The following EXOC6B variants were observed in gnomAD, a reference collection of about 807,000 sequenced individuals.
EXOC6B encodes the protein SEC15 homolog B.
Under a neutral mutation model 113.5 loss-of-function variants are expected in EXOC6B, and 54 were observed. That is an observed-to-expected ratio of 0.48 (90% CI 0.38 to 0.60). EXOC6B has a LOEUF of 0.60. Among genes scored for constraint, EXOC6B ranks in the 20% least tolerant of loss-of-function variants. EXOC6B has a pLI of 0.00. For missense variants in EXOC6B, 797 were observed against 977.5 expected (o/e 0.82, Z 2.46); for synonymous variants, 357 against 339.0 (o/e 1.05, Z -0.58).
chr2:72,194,883 G>A lies in EXOC6B; in HGVS notation c.2197-10696C>T, dbSNP rs370595475. On this transcript the variant is annotated intron_variant, in intron 20 of 21. Transcript: ENST00000272427. ...GTAACAGGTTGGTTCCTGGCCCTAC[G>A]TCTGAACTCCTCTTCTTTTCCCTAG... is the stretch of plus-strand genomic sequence containing the variant. 8.5e-5 allele frequency among the ~76,000 whole-genome samples: 13 copies of A among 152,174 alleles called. No individual in the cohort carries two copies. The South Asian group carries it at 1.0e-3, about 12-fold the overall frequency.
intron 14 of EXOC6B, 116 bp from the exon 15 acceptor site, chr2:72,495,655 C>A (rs1699996809): frequency 8.0e-6 from 5 of 624,172 alleles, no homozygotes; most frequent in Non-Finnish European, 1.4e-5. Context: ...GTCTCCTTAA[C>A]AAACTCAAAT....
chr2:72,190,379 A>C (rs1418235897), intron 20 of EXOC6B, among the ~76,000 whole-genome samples: 1 of 152,098 alleles, frequency 6.6e-6, no homozygotes, highest in Non-Finnish European at 1.5e-5. Flanking sequence ...TAATTCAGCT[A>C]TGTTCATTTT....
intron 20 of EXOC6B, among the ~76,000 whole-genome samples, chr2:72,298,427 G>T (rs959870785): frequency 6.6e-6 from 1 of 152,054 alleles, no homozygotes; most frequent in Non-Finnish European, 1.5e-5. Flanking sequence ...GATGGGTCTT[G>T]ACTCTTTATC....
chr2:72,757,753 G>A (rs914975313), intron 1 of EXOC6B, among the ~76,000 whole-genome samples: 4 of 152,014 alleles, frequency 2.6e-5, no homozygotes, highest in Admixed American at 1.3e-4. Flanking sequence ...TCTCAGGATC[G>A]ATCCCTCACA....
intron 18 of EXOC6B, chr2:72,462,527 AT>A (rs1481036017): frequency 2.0e-5 from 3 of 152,014 alleles, no homozygotes; most frequent in Non-Finnish European, 2.9e-5. Context: ...TACATCACTC[AT>A]TAATTGGATT....
chr2:72,289,574 C>T (rs719118), intron 20 of EXOC6B, among the ~76,000 whole-genome samples: 57,514 of 151,922 alleles, frequency 0.38, 14,619 homozygotes, highest in African/African-American at 0.72. Context: ...TTAACTATTA[C>T]AAAATTTGAA....
At chr2:72,339,860 T>C (rs1166293861) in intron 19 of EXOC6B, among the ~76,000 whole-genome samples, 1 of 152,178 alleles carries the variant, frequency 6.6e-6, no homozygotes, top group Non-Finnish European at 1.5e-5. Context: ...ACTAATATAC[T>C]TTACTTGCCA....
At position 72,699,491 on chromosome 2, in the gene EXOC6B, A is replaced by AG. The variant is rs1490007060; in HGVS notation, c.669+18611_669+18612insC. Among the ~76,000 whole-genome samples the AG allele has an allele frequency of 2.6e-3, 392 of 151,948 alleles. 1 individual carries two copies. The highest frequency in any genetic ancestry group is 9.0e-3 in the African/African-American group (372 of 41,436). ...AGACTCCGTCTCAAAAAAAAAAAAA[A>AG]AAAGAAAGAAAGTCAAACAATACAT... On this transcript the variant is annotated intron_variant, in intron 6 of 21. Transcript: ENST00000272427.
chr2:72,239,617 C>A (rs977902736), intron 20 of EXOC6B, among the ~76,000 whole-genome samples: 1 of 152,190 alleles, frequency 6.6e-6, no homozygotes, highest in African/African-American at 2.4e-5. Flanking sequence ...AAGTGTGAAT[C>A]TTCCAACTTT....
intron 6 of EXOC6B, among the ~76,000 whole-genome samples, chr2:72,616,059 T>C (rs941840147): frequency 2.0e-5 from 3 of 152,094 alleles, no homozygotes; most frequent in Admixed American, 6.5e-5. Flanking sequence ...TATACAGCTA[T>C]ACAAAATGTT....
At chr2:72,816,287 T>C (rs1686244577) in intron 1 of EXOC6B, among the ~76,000 whole-genome samples, 1 of 152,178 alleles carries the variant, frequency 6.6e-6, no homozygotes, top group Non-Finnish European at 1.5e-5. Flanking sequence ...AGAACTAGTT[T>C]AATAAACCAT....
chr2:72,460,206 C>T (rs957319893), intron 18 of EXOC6B, among the ~76,000 whole-genome samples: 1 of 152,010 alleles, frequency 6.6e-6, no homozygotes, highest in Admixed American at 6.6e-5. Context: ...AAAATTAATT[C>T]AAGATGGATT....
chr2:72,618,010 A>G (rs1167560463), intron 6 of EXOC6B, among the ~76,000 whole-genome samples: 2 of 152,166 alleles, frequency 1.3e-5, no homozygotes, highest in Admixed American at 1.3e-4. Context: ...ATCTTGACTA[A>G]AAGTGGGGAC....
At chr2:72,746,688 A>G (rs1232135750) in intron 1 of EXOC6B, among the ~76,000 whole-genome samples, 1 of 152,120 alleles carries the variant, frequency 6.6e-6, no homozygotes, top group African/African-American at 2.4e-5. Flanking sequence ...TGTTATAAGC[A>G]TTATTTCATT....
chr2:72,196,903 C>A (rs1421361999), intron 20 of EXOC6B, among the ~76,000 whole-genome samples: 1 of 152,116 alleles, frequency 6.6e-6, no homozygotes, highest in East Asian at 1.9e-4. Context: ...TGCTATCTGT[C>A]CTTGAGGGTC....
chr2:72,498,491 T>C lies in EXOC6B; in HGVS notation c.1300A>G (p.Ser434Gly). Reference sequence around the variant, plus strand: ...GCCCACTTCTTTAGCAGAGTTTCACTATATTGGTCTCTGATTTCTAACAGC... The same window carrying C: ...GCCCACTTCTTTAGCAGAGTTTCACCATATTGGTCTCTGATTTCTAACAGC... ...DMLLEIRDQY[S>G]ETLLKKWAGI... The change falls in exon 13 of 22, where the codon AGT becomes GGT. Residue 434 changes from serine (S) to glycine (G), a missense_variant. Physicochemically the swap from Ser to Gly is moderately conservative, Grantham distance 56 (BLOSUM62 0). Coordinates refer to ENST00000272427, the MANE Select transcript of EXOC6B (RefSeq NM_015189.3). The C allele has an allele frequency of 1.2e-6, 2 of 1,611,930 alleles. No individual in the cohort carries two copies. The highest frequency in any genetic ancestry group is 1.7e-6 in the Non-Finnish European group (2 of 1,179,084).
chr2:72,397,070 A>G (rs528459928), intron 18 of EXOC6B, among the ~76,000 whole-genome samples: 2 of 152,272 alleles, frequency 1.3e-5, no homozygotes. Context: ...TGGCAATTAC[A>G]AAAATTATAA....
At chr2:72,648,627 T>C (rs368879816) in intron 6 of EXOC6B, among the ~76,000 whole-genome samples, 2 of 152,100 alleles carry the variant, frequency 1.3e-5, no homozygotes, top group South Asian at 4.1e-4. Flanking sequence ...CTATCCACAA[T>C]AGCCAACATT....
intron 18 of EXOC6B, among the ~76,000 whole-genome samples, chr2:72,419,796 T>C (rs1439510332): frequency 1.3e-5 from 2 of 152,204 alleles, no homozygotes; most frequent in Non-Finnish European, 2.9e-5. Flanking sequence ...GTTCATCCAA[T>C]TTTGAGTTTT....
Sources: allele counts gnomAD v4.1 joint callset (sites outside exome capture counted in the v4.1 genomes callset), GRCh38; gene constraint gnomAD v4.1.1; transcripts MANE v1.5; gene names NCBI Gene and HGNC (gene_info 2026-07-23, HGNC 2026-07-21).